PDE4D: variants seen among roughly 807,000 people sequenced by gnomAD.
The protein encoded by PDE4D is 3',5'-cyclic-AMP phosphodiesterase 4D.
A neutral mutation model predicts 87.4 loss-of-function variants in PDE4D; 24 were observed. The ratio of observed to expected loss-of-function variants is 0.27; its 90% CI spans 0.20 to 0.39. PDE4D has a LOEUF of 0.39. PDE4D is among the 10% of genes least tolerant of loss of function. The pLI is 1.00. For synonymous variants in PDE4D, 384 were observed against 383.2 expected, an observed-to-expected ratio of 1.00 and a Z score of -0.02; for missense variants, 714 against 1,041.0, an observed-to-expected ratio of 0.69 and a Z score of 4.32.
intron 1 of PDE4D, among the ~76,000 whole-genome samples, chr5:60,295,472 T>C (rs1446263150): frequency 6.6e-6 from 1 of 152,184 alleles, no homozygotes; most frequent in Non-Finnish European, 1.5e-5. Context: ...ATGTGAGCTG[T>C]TGGGCTTTTA....
At chr5:59,836,642 C>CTATCTATCTATCTATCTATCTATA (rs1554095477) in intron 1 of PDE4D, among the ~76,000 whole-genome samples, 3,446 of 148,948 alleles carry the variant, frequency 0.023, 133 homozygotes, top group African/African-American at 0.08. Flanking sequence ...ATCTATCTAT[C>CTATCTATCTATCTATCTATCTATA]TATCTATCTA....
At chr5:59,688,282 C>T (rs1052353417) in intron 1 of PDE4D, among the ~76,000 whole-genome samples, 1 of 152,236 alleles carries the variant, frequency 6.6e-6, no homozygotes, top group Admixed American at 6.5e-5. Context: ...CTCAACATCA[C>T]ATTGCACTTA....
intron 1 of PDE4D, among the ~76,000 whole-genome samples, chr5:59,731,656 G>A (rs1757376846): frequency 6.6e-6 from 1 of 152,222 alleles, no homozygotes; most frequent in Non-Finnish European, 1.5e-5. Flanking sequence ...GAAGGAGCTG[G>A]TGCCAGACTA....
intron 1 of PDE4D, among the ~76,000 whole-genome samples, chr5:59,619,259 G>C (rs1360097316): frequency 1.3e-5 from 2 of 152,166 alleles, no homozygotes; most frequent in Non-Finnish European, 2.9e-5. Context: ...GATTGGATGA[G>C]ATGGGAAGGG....
intron 1 of PDE4D, chr5:60,448,638 T>G (rs1240423731): frequency 6.6e-6 from 1 of 152,150 alleles, no homozygotes; most frequent in African/African-American, 2.4e-5. Flanking sequence ...CTGACTTACC[T>G]CAAGCATACA....
chr5:59,808,793 C>G (rs1037630628), intron 1 of PDE4D, among the ~76,000 whole-genome samples: 1 of 152,136 alleles, frequency 6.6e-6, no homozygotes, highest in East Asian at 1.9e-4. Context: ...TCTCTTAATG[C>G]CTGCAAATGC....
chr5:59,008,400 T>C (rs1318867984), intron 6 of PDE4D, among the ~76,000 whole-genome samples: 1 of 149,940 alleles, frequency 6.7e-6, no homozygotes, highest in Non-Finnish European at 1.5e-5. Context: ...ATAGGCATGC[T>C]TCCAGAAATA....
chr5:59,256,033 C>T (rs1409581914), intron 1 of PDE4D, among the ~76,000 whole-genome samples: 1 of 152,064 alleles, frequency 6.6e-6, no homozygotes, highest in South Asian at 2.1e-4. Context: ...ATTTTTTGCA[C>T]CTTTACACAA....
intron 1 of PDE4D, among the ~76,000 whole-genome samples, chr5:59,607,418 A>G (rs1828361248): frequency 6.6e-6 from 1 of 152,098 alleles, no homozygotes; most frequent in African/African-American, 2.4e-5. Context: ...AATCAATCCA[A>G]TGACCAAATA....
At chr5:59,775,715 C>G (rs1171053693) in intron 1 of PDE4D, among the ~76,000 whole-genome samples, 1 of 152,060 alleles carries the variant, frequency 6.6e-6, no homozygotes, top group Admixed American at 6.6e-5. Context: ...TTGTCTTTGT[C>G]CACATAACAG....
intron 1 of PDE4D, among the ~76,000 whole-genome samples, chr5:59,348,401 T>C (rs1300228443): frequency 6.6e-6 from 1 of 151,826 alleles, no homozygotes; most frequent in African/African-American, 2.4e-5. Context: ...GAGAGAATTT[T>C]TTGGCACAGA....
chr5:59,408,776 T>C lies in PDE4D; in HGVS notation c.456-192808A>G, dbSNP rs148173482. Among the ~76,000 whole-genome samples, 164 of 152,314 alleles carry C rather than the reference T, an allele frequency of 1.1e-3. 5 individuals carry two copies. The East Asian group carries it at 0.026, about 24-fold the overall frequency. ...AGGAGATTATTTTAGAACTTTAAGA[T>C]TTAATGACTGTCCTGTTGTGTTTCA... On this transcript the variant is annotated intron_variant, in intron 1 of 14. Transcript: ENST00000340635.
intron 1 of PDE4D, among the ~76,000 whole-genome samples, chr5:59,295,016 C>G (rs754763667): frequency 1.2e-4 from 18 of 152,118 alleles, no homozygotes; most frequent in Non-Finnish European, 1.9e-4. Context: ...GTTTCAGATA[C>G]TGATAGAAAA....
At chr5:59,008,093 C>T (rs1270865582) in intron 6 of PDE4D, among the ~76,000 whole-genome samples, 2 of 151,942 alleles carry the variant, frequency 1.3e-5, no homozygotes, top group African/African-American at 4.8e-5. Flanking sequence ...TTACCTAAAA[C>T]CAGCAGCAGC....
At chr5:60,467,031 T>TTATTA (rs1747410925) in intron 1 of PDE4D, among the ~76,000 whole-genome samples, 1 of 151,368 alleles carries the variant, frequency 6.6e-6, no homozygotes, top group Admixed American at 6.6e-5. Flanking sequence ...TTTTTTTATT[T>TTATTA]TATTTTATTT....
chr5:59,374,520 T>C (rs942584139), intron 1 of PDE4D, among the ~76,000 whole-genome samples: 1 of 152,148 alleles, frequency 6.6e-6, no homozygotes, highest in African/African-American at 2.4e-5. Context: ...AACACTCAGA[T>C]TCATAAAGCA....
At chr5:59,081,159 C>A (rs555194498) in intron 5 of PDE4D, among the ~76,000 whole-genome samples, 2 of 152,078 alleles carry the variant, frequency 1.3e-5, no homozygotes, top group East Asian at 3.9e-4. Context: ...TCAAGTCATC[C>A]ATAGTATGAA....
chr5:60,228,918 C>T (rs981016318), intron 1 of PDE4D, among the ~76,000 whole-genome samples: 13 of 151,904 alleles, frequency 8.6e-5, no homozygotes, highest in Admixed American at 7.9e-4. Flanking sequence ...GGGCCCATGT[C>T]AGATTAAAGA....
At chr5:59,818,093 C>T (rs1254130731) in intron 1 of PDE4D, among the ~76,000 whole-genome samples, 2 of 152,158 alleles carry the variant, frequency 1.3e-5, no homozygotes, top group Admixed American at 6.5e-5. Flanking sequence ...AAGGCAAGCC[C>T]TGGCCTGGAG....
Sources: allele counts gnomAD v4.1 joint callset (sites outside exome capture counted in the v4.1 genomes callset), GRCh38; gene constraint gnomAD v4.1.1; transcripts MANE v1.5; gene names NCBI Gene and HGNC (gene_info 2026-07-23, HGNC 2026-07-21).